The following RNF150 variants were observed in gnomAD, a reference collection of about 807,000 sequenced individuals.
RNF150 encodes ring finger protein 150.
RNF150 carries 24 observed loss-of-function variants against 39.3 expected under a neutral mutation model. The observed-to-expected ratio is 0.61, with a 90% CI of 0.44 to 0.86. RNF150 has a LOEUF of 0.86. RNF150 is among the 40% of genes least tolerant of loss of function. RNF150 has a pLI of 0.00. For synonymous variants in RNF150, 255 were observed against 227.3 expected (o/e 1.12, Z -1.10); for missense variants, 502 against 587.8 (o/e 0.85, Z 1.51).
chr4:141,167,241 A>G (rs1727620761), intron 1 of RNF150, among the ~76,000 whole-genome samples: 1 of 152,168 alleles, frequency 6.6e-6, no homozygotes, highest in Admixed American at 6.5e-5. Context: ...CTTACAAGGG[A>G]TGTGAAAGAC....
intron 1 of RNF150, among the ~76,000 whole-genome samples, chr4:140,974,253 C>T (rs1341065024): frequency 1.3e-5 from 2 of 152,098 alleles, no homozygotes; most frequent in Admixed American, 6.5e-5. Flanking sequence ...GTTACATAAA[C>T]GGAATCATAT....
chr4:141,163,986 T>G (rs1355034438), intron 1 of RNF150, among the ~76,000 whole-genome samples: 1 of 151,944 alleles, frequency 6.6e-6, no homozygotes, highest in African/African-American at 2.4e-5. Context: ...CTTCAGAAGG[T>G]GGGTAATAAG....
chr4:141,060,523 TAATAGTCAAATATGTGATA>T (rs951091303), intron 1 of RNF150, among the ~76,000 whole-genome samples: 1 of 152,208 alleles, frequency 6.6e-6, no homozygotes, highest in Non-Finnish European at 1.5e-5. Flanking sequence ...TTATGGTGGA[TAATAGTCAAATATGTGATA>T]AATAGTCAAA....
At chr4:140,973,226 A>G (rs1415613417) in intron 1 of RNF150, among the ~76,000 whole-genome samples, 1 of 152,182 alleles carries the variant, frequency 6.6e-6, no homozygotes, top group Non-Finnish European at 1.5e-5. Flanking sequence ...AAAATGTGAA[A>G]AAACTAGAAA....
intron 3 of RNF150, among the ~76,000 whole-genome samples, chr4:140,948,667 T>C (rs1169816827): frequency 6.6e-6 from 1 of 152,200 alleles, no homozygotes; most frequent in Non-Finnish European, 1.5e-5. Context: ...TTGAACTCCC[T>C]GGCCTCAAGT....
chr4:141,036,223 T>G (rs957275500), intron 1 of RNF150, among the ~76,000 whole-genome samples: 1 of 152,204 alleles, frequency 6.6e-6, no homozygotes, highest in Non-Finnish European at 1.5e-5. Context: ...GGGTTGTGCC[T>G]GTCTTGTTCA....
chr4:141,008,937 T>C (rs1237439992), intron 1 of RNF150, among the ~76,000 whole-genome samples: 5 of 152,214 alleles, frequency 3.3e-5, no homozygotes, highest in African/African-American at 2.4e-5. Context: ...AATTTTTACA[T>C]ATATTTATAT....
intron 1 of RNF150, among the ~76,000 whole-genome samples, chr4:141,011,319 G>A (rs1405605330): frequency 6.6e-6 from 1 of 151,964 alleles, no homozygotes; most frequent in Non-Finnish European, 1.5e-5. Context: ...TCAACTGGAG[G>A]ATGAGTGGTC....
intron 1 of RNF150, among the ~76,000 whole-genome samples, chr4:141,027,259 G>A (rs1364633007): frequency 2.6e-5 from 4 of 152,176 alleles, no homozygotes; most frequent in Non-Finnish European, 4.4e-5. Flanking sequence ...AAGGAATAGA[G>A]TATGTTCATA....
chr4:141,168,954 A>T (rs1043141449), intron 1 of RNF150, among the ~76,000 whole-genome samples: 1 of 152,200 alleles, frequency 6.6e-6, no homozygotes, highest in Non-Finnish European at 1.5e-5. Context: ...AATAATTTTT[A>T]AAAAGCCTTT....
At chr4:141,031,732 A>G (rs775049129) in intron 1 of RNF150, among the ~76,000 whole-genome samples, 2 of 152,180 alleles carry the variant, frequency 1.3e-5, no homozygotes, top group Non-Finnish European at 2.9e-5. Flanking sequence ...AATGGCAATT[A>G]TAAAAAAATG....
At chr4:140,988,697 T>C (rs1283297900) in intron 1 of RNF150, among the ~76,000 whole-genome samples, 1 of 133,494 alleles carries the variant, frequency 7.5e-6, no homozygotes, top group African/African-American at 2.9e-5. Context: ...TAAAGGCACA[T>C]GCACATGTAT....
intron 6 of RNF150, among the ~76,000 whole-genome samples, chr4:140,882,380 G>A (rs942140727): frequency 6.6e-6 from 1 of 152,140 alleles, no homozygotes; most frequent in Non-Finnish European, 1.5e-5. Flanking sequence ...TGTTTCATGT[G>A]CATTTGAGAA....
intron 1 of RNF150, among the ~76,000 whole-genome samples, chr4:141,152,146 G>A (rs1187164966): frequency 2.0e-5 from 3 of 152,092 alleles, no homozygotes; most frequent in Admixed American, 6.5e-5. Context: ...ATATATGAAC[G>A]ATTGAGCTGT....
intron 1 of RNF150, among the ~76,000 whole-genome samples, chr4:140,981,867 C>A (rs1733872267): frequency 6.6e-6 from 1 of 152,172 alleles, no homozygotes; most frequent in African/African-American, 2.4e-5. Flanking sequence ...CCTCCAGAGT[C>A]ATCAGCCTCA....
chr4:141,174,312 A>G (rs1360096245), intron 1 of RNF150, among the ~76,000 whole-genome samples: 2 of 152,104 alleles, frequency 1.3e-5, no homozygotes, highest in African/African-American at 4.8e-5. Flanking sequence ...TGTAATGTAG[A>G]TGACACCCTC....
At position 140,861,026 on chromosome 4, in the gene RNF150, C is replaced by T. The variant is rs1262717686; in HGVS notation, c.*7235G>A. 1 of 152,006 alleles carries T rather than the reference C, an allele frequency of 6.6e-6. No individual in the cohort carries two copies. The highest frequency in any genetic ancestry group is 1.5e-5 in the Non-Finnish European group (1 of 67,980). 9.4% of individuals were successfully genotyped at this position (152,006 alleles called of 1,614,324 possible). A position where few individuals can be genotyped will look rare whatever the true frequency, so the allele number is the denominator to read the frequency against. Reference sequence around the variant, plus strand: ...TCATTTTCTAAATGTAAGGGACACCCCTCTATAAAAATAACAGTCCCTCCC... The same window carrying T: ...TCATTTTCTAAATGTAAGGGACACCTCTCTATAAAAATAACAGTCCCTCCC... On this transcript the variant is annotated 3_prime_UTR_variant, in exon 7 of 7. Coordinates refer to ENST00000515673, the MANE Select transcript of RNF150 (RefSeq NM_020724.2).
chr4:141,038,742 A>G (rs3851427), intron 1 of RNF150, among the ~76,000 whole-genome samples: 71,217 of 151,994 alleles, frequency 0.47, 18,245 homozygotes, highest in Non-Finnish European at 0.58. Context: ...GAACAGAATT[A>G]CTTGAACAGT....
chr4:141,062,314 C>T (rs1578683916), intron 1 of RNF150, among the ~76,000 whole-genome samples: 2 of 152,052 alleles, frequency 1.3e-5, no homozygotes, highest in East Asian at 3.9e-4. Flanking sequence ...TAAAGATAAA[C>T]ATGCATCTTA....
Sources: gnomAD v4.1 joint callset for allele counts (sites outside exome capture counted in the v4.1 genomes callset) on GRCh38, gnomAD v4.1.1 for gene constraint, MANE v1.5 for transcripts, NCBI Gene and HGNC (gene_info 2026-07-23, HGNC 2026-07-21) for gene names.